The following GALNT17 variants were observed in gnomAD, a reference collection of about 807,000 sequenced individuals.
The protein encoded by GALNT17 is polypeptide N-acetylgalactosaminyltransferase 17.
In GALNT17, 29 loss-of-function variants were observed where a neutral mutation model predicts 63.7. The observed-to-expected ratio is 0.46, with a 90% CI of 0.34 to 0.62. The LOEUF (loss-of-function observed/expected upper bound fraction) is 0.62. GALNT17 is among the 20% of genes least tolerant of loss of function. The pLI is 0.01. For synonymous variants in GALNT17, 305 were observed against 318.3 expected, an observed-to-expected ratio of 0.96 and a Z score of 0.45; for missense variants, 603 against 799.6, an observed-to-expected ratio of 0.75 and a Z score of 2.97.
intron 2 of GALNT17, among the ~76,000 whole-genome samples, chr7:71,362,293 C>T (rs1792418336): frequency 6.6e-6 from 1 of 152,176 alleles, no homozygotes; most frequent in Non-Finnish European, 1.5e-5. Context: ...TAAATCACTT[C>T]TTTGTGTACA....
chr7:71,636,381 C>T (rs1386157330), intron 6 of GALNT17, among the ~76,000 whole-genome samples: 1 of 152,028 alleles, frequency 6.6e-6, no homozygotes, highest in African/African-American at 2.4e-5. Flanking sequence ...GTGGGATAGG[C>T]TCCCAAGGAA....
In GALNT17 at chr7:71,630,090, G is replaced by T. The variant is rs116246359; in HGVS notation, c.1081-35321G>T. ...GACACCACCCAGAGATCATTAGCCT[G>T]GGATCCAGACATCCAGGGGCAATGC... On this transcript the variant is annotated intron_variant, in intron 6 of 10. Transcript: ENST00000333538. 8.2e-3 allele frequency among the ~76,000 whole-genome samples: 1,229 copies of T among 149,114 alleles called. 18 individuals carry two copies. The highest frequency in any genetic ancestry group is 0.024 in the African/African-American group (951 of 40,426).
intron 6 of GALNT17, among the ~76,000 whole-genome samples, chr7:71,621,545 T>TGATGGACAGATG (rs1790293672): frequency 2.3e-5 from 2 of 87,340 alleles, no homozygotes; most frequent in Admixed American, 1.5e-4. Flanking sequence ...ATTGATGGAT[T>TGATGGACAGATG]GATGGATAGA....
At chr7:71,247,083 C>T (rs775177496) in intron 1 of GALNT17, among the ~76,000 whole-genome samples, 2 of 152,006 alleles carry the variant, frequency 1.3e-5, no homozygotes, top group Non-Finnish European at 2.9e-5. Context: ...CCTATTACTG[C>T]TTTTCCTCTG....
chr7:71,691,965 G>A (rs1220046190), intron 9 of GALNT17, among the ~76,000 whole-genome samples: 1 of 151,020 alleles, frequency 6.6e-6, no homozygotes, highest in Admixed American at 6.6e-5. Flanking sequence ...ATGCTGGAGT[G>A]CAGTGCCATA....
At chr7:71,289,018 T>A (rs777985479) in intron 1 of GALNT17, among the ~76,000 whole-genome samples, 3 of 152,202 alleles carry the variant, frequency 2.0e-5, no homozygotes, top group Non-Finnish European at 1.5e-5. Flanking sequence ...AGGGTCAAAC[T>A]GGACTCCTGA....
chr7:71,595,255 A>G (rs1214764649), intron 6 of GALNT17, among the ~76,000 whole-genome samples: 1 of 152,092 alleles, frequency 6.6e-6, no homozygotes, highest in Non-Finnish European at 1.5e-5. Flanking sequence ...GACCCTGTCC[A>G]TACAAAAAAT....
intron 9 of GALNT17, among the ~76,000 whole-genome samples, chr7:71,693,139 A>G (rs894125926): frequency 2.6e-5 from 4 of 151,272 alleles, no homozygotes; most frequent in African/African-American, 4.9e-5. Context: ...TTCACATACT[A>G]TAAGTATATA....
intron 4 of GALNT17, among the ~76,000 whole-genome samples, chr7:71,419,199 A>G (rs540119028): frequency 6.5e-4 from 99 of 152,314 alleles, no homozygotes; most frequent in African/African-American, 2.2e-3. Context: ...CTGGACTTGC[A>G]TGGGGTTCAT....
chr7:71,400,163 C>G (rs1793214546), intron 3 of GALNT17, among the ~76,000 whole-genome samples: 2 of 152,060 alleles, frequency 1.3e-5, no homozygotes, highest in East Asian at 1.9e-4. Flanking sequence ...CCCCCACCCC[C>G]TGACAGGCCC....
intron 1 of GALNT17, among the ~76,000 whole-genome samples, chr7:71,268,680 G>A (rs1000993222): frequency 6.6e-6 from 1 of 152,162 alleles, no homozygotes. Context: ...GCACTCATAG[G>A]TCCATCTTCA....
At chr7:71,548,976 T>A (rs374119673) in intron 5 of GALNT17, among the ~76,000 whole-genome samples, 2 of 152,232 alleles carry the variant, frequency 1.3e-5, no homozygotes, top group South Asian at 2.1e-4. Flanking sequence ...GTGGGGTGTG[T>A]GGGAGAAACA....
intron 6 of GALNT17, among the ~76,000 whole-genome samples, chr7:71,592,530 A>ATAAAG (rs1789819678): frequency 2.8e-4 from 23 of 81,248 alleles, no homozygotes; most frequent in African/African-American, 6.3e-4. Flanking sequence ...ATAAAATAAA[A>ATAAAG]TAAAATAAAA....
At chr7:71,321,658 A>G (rs910503690) in intron 1 of GALNT17, among the ~76,000 whole-genome samples, 1 of 117,162 alleles carries the variant, frequency 8.5e-6, no homozygotes, top group South Asian at 3.0e-4. Context: ...CGCAGGCTGG[A>G]GTGCAGTGGT....
At chr7:71,606,720 T>A (rs1332973040) in intron 6 of GALNT17, among the ~76,000 whole-genome samples, 1 of 152,222 alleles carries the variant, frequency 6.6e-6, no homozygotes, top group Non-Finnish European at 1.5e-5. Flanking sequence ...TCTGTCAGCA[T>A]TAGCCATCAT....
intron 6 of GALNT17, among the ~76,000 whole-genome samples, chr7:71,606,820 G>C (rs1442372691): frequency 6.6e-6 from 1 of 152,112 alleles, no homozygotes; most frequent in African/African-American, 2.4e-5. Context: ...CATAATTCTG[G>C]ATCACAGTTC....
intron 2 of GALNT17, among the ~76,000 whole-genome samples, chr7:71,365,949 T>C (rs1193207788): frequency 6.6e-6 from 1 of 152,136 alleles, no homozygotes; most frequent in Non-Finnish European, 1.5e-5. Context: ...CCTGAGCTTG[T>C]TTTCCTGCAA....
intron 9 of GALNT17, among the ~76,000 whole-genome samples, chr7:71,704,175 G>A (rs1791691825): frequency 1.3e-5 from 2 of 152,152 alleles, no homozygotes; most frequent in African/African-American, 4.8e-5. Flanking sequence ...GAGGTACCTG[G>A]GTGGTTGGTG....
chr7:71,377,114 A>AAAAAAAAAAT lies in GALNT17; in HGVS notation c.423-11120_423-11119insAAAAAAAATA. Among the ~76,000 whole-genome samples the AAAAAAAAAAT allele has an allele frequency of 4.5e-4, 26 of 57,462 alleles. 8 individuals carry two copies. The highest frequency in any genetic ancestry group is 1.3e-3 in the Admixed American group (5 of 3,986). The allele number at this position is 57,462 out of a possible 152,430, so 37.7% of individuals were successfully genotyped here. ...AAAAAAAAAAAATAAAAATAAAAAA[A>AAAAAAAAAAT]ATATATATATATATATATATATATA... On this transcript the variant is annotated intron_variant, in intron 2 of 10. Coordinates refer to ENST00000333538, the MANE Select transcript of GALNT17 (RefSeq NM_022479.3).
Sources: gnomAD v4.1 joint callset for allele counts (sites outside exome capture counted in the v4.1 genomes callset) on GRCh38, gnomAD v4.1.1 for gene constraint, MANE v1.5 for transcripts, NCBI Gene and HGNC (gene_info 2026-07-23, HGNC 2026-07-21) for gene names.